The following SERGEF variants were observed in gnomAD, a reference collection of about 807,000 sequenced individuals.
SERGEF encodes the protein secretion regulating guanine nucleotide exchange factor, also known as secretion-regulating guanine nucleotide exchange factor.
A neutral mutation model predicts 50.0 loss-of-function variants in SERGEF; 51 were observed. The observed-to-expected ratio is 1.02, with a 90% CI of 0.81 to 1.29. SERGEF has a LOEUF of 1.29. Among genes scored for constraint, SERGEF ranks in the 50% most tolerant of loss-of-function variants. The probability of loss-of-function intolerance (pLI) is 0.00; values close to 1 mark genes in which losing one functional copy is unlikely to be tolerated. For synonymous variants in SERGEF, 205 were observed against 212.4 expected, an observed-to-expected ratio of 0.97 and a Z score of 0.30; for missense variants, 521 against 557.0, an observed-to-expected ratio of 0.94 and a Z score of 0.65.
intron 10 of SERGEF, among the ~76,000 whole-genome samples, chr11:17,875,969 A>G (rs990780707): frequency 6.6e-6 from 1 of 152,178 alleles, no homozygotes; most frequent in African/African-American, 2.4e-5. Context: ...GAGGAGCTCA[A>G]CCCCATGAGA....
chr11:17,957,564 C>T (rs906186151), intron 9 of SERGEF, among the ~76,000 whole-genome samples: 7 of 152,124 alleles, frequency 4.6e-5, no homozygotes, highest in Non-Finnish European at 8.8e-5. Context: ...GCAGACAATA[C>T]TAGTTTAAAT....
intron 9 of SERGEF, among the ~76,000 whole-genome samples, chr11:17,940,698 C>T (rs1413922863): frequency 2.0e-5 from 3 of 152,048 alleles, no homozygotes; most frequent in African/African-American, 4.8e-5. Context: ...CTCAGCTTCC[C>T]GAGTAGCTGA....
chr11:17,800,283 G>A (rs958422931), intron 10 of SERGEF, among the ~76,000 whole-genome samples: 1 of 151,964 alleles, frequency 6.6e-6, no homozygotes, highest in South Asian at 2.1e-4. Flanking sequence ...CCAACATCCC[G>A]CACCACTGAC....
At chr11:17,789,348 A>G (rs1849440240) in intron 10 of SERGEF, among the ~76,000 whole-genome samples, 2 of 152,206 alleles carry the variant, frequency 1.3e-5, no homozygotes, top group African/African-American at 2.4e-5. Context: ...AGAAGCGTGT[A>G]TACTTTCTTC....
intron 9 of SERGEF, among the ~76,000 whole-genome samples, chr11:17,931,669 A>C (rs1030206871): frequency 6.6e-6 from 1 of 152,208 alleles, no homozygotes; most frequent in African/African-American, 2.4e-5. Flanking sequence ...GTGAGCACTT[A>C]GGCCAAAGAA....
intron 8 of SERGEF, among the ~76,000 whole-genome samples, chr11:17,980,785 T>C (rs1303900811): frequency 6.6e-6 from 1 of 152,248 alleles, no homozygotes; most frequent in African/African-American, 2.4e-5. Context: ...ACCTTTGTTT[T>C]TGTCATTATA....
chr11:17,827,164 G>T (rs542280390), intron 10 of SERGEF, among the ~76,000 whole-genome samples: 17 of 152,220 alleles, frequency 1.1e-4, no homozygotes, highest in Non-Finnish European at 2.1e-4. Flanking sequence ...GCCAGGGCAT[G>T]TAGGTAAACC....
chr11:17,882,025 C>A (rs1187164639), intron 9 of SERGEF, among the ~76,000 whole-genome samples: 1 of 152,218 alleles, frequency 6.6e-6, no homozygotes. Context: ...CATCACATTA[C>A]TTTTCTCTAA....
chr11:17,939,793 T>C (rs1301585252), intron 9 of SERGEF, among the ~76,000 whole-genome samples: 2 of 152,218 alleles, frequency 1.3e-5, no homozygotes, highest in Non-Finnish European at 2.9e-5. Flanking sequence ...CGTGGGACCC[T>C]GTCCAACTGG....
chr11:17,998,760 T>G (rs966660739), intron 5 of SERGEF, among the ~76,000 whole-genome samples: 1 of 146,508 alleles, frequency 6.8e-6, no homozygotes, highest in African/African-American at 2.6e-5. Flanking sequence ...CAGAAATCTC[T>G]CCCTCTCCAC....
chr11:17,946,297 G>A (rs1852660525), intron 9 of SERGEF, among the ~76,000 whole-genome samples: 1 of 152,168 alleles, frequency 6.6e-6, no homozygotes, highest in South Asian at 2.1e-4. Flanking sequence ...GACCACCACT[G>A]AGTCTCACTC....
chr11:18,012,335 C>T (rs1339556397), intron 1 of SERGEF, among the ~76,000 whole-genome samples: 2 of 152,044 alleles, frequency 1.3e-5, no homozygotes, highest in Non-Finnish European at 1.5e-5. Context: ...GTGCATGAAC[C>T]CTCCTCTCTC....
intron 9 of SERGEF, among the ~76,000 whole-genome samples, chr11:17,909,384 C>T (rs748916512): frequency 2.2e-4 from 33 of 152,012 alleles, no homozygotes; most frequent in Admixed American, 1.6e-3. Context: ...TTCCTTGTGA[C>T]GAGAAAGAAC....
chr11:17,998,472 T>C lies in SERGEF; in HGVS notation c.508+2025A>G, dbSNP rs547597732. 9.3e-5 allele frequency among the ~76,000 whole-genome samples: 12 copies of C among 128,362 alleles called. 2 individuals carry two copies. The highest frequency in any genetic ancestry group is 2.3e-4 in the East Asian group (1 of 4,440). 84.2% of individuals were successfully genotyped at this position (128,362 alleles called of 152,430 possible). A position where few individuals can be genotyped will look rare whatever the true frequency, so the allele number is the denominator to read the frequency against. ...ATATATATATATATATATATATATA[T>C]ATATATATATATATATGCATGTGTG... is the stretch of plus-strand genomic sequence containing the variant. On this transcript the variant is annotated intron_variant, in intron 5 of 10. Coordinates refer to ENST00000265965, the MANE Select transcript of SERGEF (RefSeq NM_012139.4).
intron 10 of SERGEF, among the ~76,000 whole-genome samples, chr11:17,834,497 A>AAAACTTAAT (rs1260308359): frequency 6.6e-6 from 1 of 152,224 alleles, no homozygotes; most frequent in Non-Finnish European, 1.5e-5. Context: ...CACCTGCTTA[A>AAAACTTAAT]AAACTTATTA....
At chr11:17,846,086 C>T (rs1382716418) in intron 10 of SERGEF, among the ~76,000 whole-genome samples, 2 of 152,170 alleles carry the variant, frequency 1.3e-5, no homozygotes, top group Non-Finnish European at 2.9e-5. Flanking sequence ...CTTCTGGCCC[C>T]TAAAGGGATG....
chr11:17,958,453 C>A (rs982503768), intron 9 of SERGEF, among the ~76,000 whole-genome samples: 2 of 151,960 alleles, frequency 1.3e-5, no homozygotes, highest in African/African-American at 2.4e-5. Context: ...AATTTAGTAA[C>A]AGAAACGCAC....
intron 8 of SERGEF, among the ~76,000 whole-genome samples, chr11:17,975,845 C>G (rs1853360402): frequency 6.6e-6 from 1 of 152,178 alleles, no homozygotes; most frequent in African/African-American, 2.4e-5. Flanking sequence ...TGGCCCAGGT[C>G]AAGCAAACTA....
chr11:17,874,917 G>A (rs1410162480), intron 10 of SERGEF, among the ~76,000 whole-genome samples: 2 of 151,950 alleles, frequency 1.3e-5, no homozygotes, highest in Non-Finnish European at 2.9e-5. Flanking sequence ...TTCCTTCCTT[G>A]AGGTCTTAAT....
Sources: gnomAD v4.1 joint callset for allele counts (sites outside exome capture counted in the v4.1 genomes callset) on GRCh38, gnomAD v4.1.1 for gene constraint, MANE v1.5 for transcripts, NCBI Gene and HGNC (gene_info 2026-07-23, HGNC 2026-07-21) for gene names.